ESRRG: variants seen among roughly 807,000 people sequenced by gnomAD.
The protein encoded by ESRRG is estrogen-related receptor gamma.
ESRRG carries 13 observed loss-of-function variants against 44.0 expected under a neutral mutation model. The observed-to-expected ratio is 0.30, with a 90% confidence interval of 0.19 to 0.47. ESRRG has a LOEUF of 0.47. Among genes scored for constraint, ESRRG ranks in the 20% least tolerant of loss-of-function variants. The pLI is 1.00. For missense variants in ESRRG, 395 were observed against 580.6 expected (o/e 0.68, Z 3.29); for synonymous variants, 215 against 214.6 (o/e 1.00, Z -0.02).
At position 216,947,187 on chromosome 1, in the gene ESRRG, T is replaced by C. The variant is rs943438612; in HGVS notation, c.-105-7514A>G. On this transcript the variant is annotated intron_variant, in intron 1 of 7. Transcript: ENST00000359162. ...AAATTCCAAGAGAAAAATATAAATA[T>C]ACATATCCCAGAAGTGGCATCTGTC... is the stretch of plus-strand genomic sequence containing the variant. Among the ~76,000 whole-genome samples, 4 of 152,154 alleles carry C rather than the reference T, an allele frequency of 2.6e-5. No individual in the cohort carries two copies. In the East Asian group the frequency reaches 7.7e-4, roughly 29 times the overall value.
intron 2 of ESRRG, among the ~76,000 whole-genome samples, chr1:216,896,657 C>G (rs757292695): frequency 3.3e-5 from 5 of 152,178 alleles, no homozygotes; most frequent in Non-Finnish European, 7.4e-5. Flanking sequence ...ATTCTAGGAA[C>G]CCAGTCTGTC....
intron 2 of ESRRG, among the ~76,000 whole-genome samples, chr1:216,652,213 G>A (rs1044652013): frequency 6.6e-6 from 1 of 152,046 alleles, no homozygotes; most frequent in Non-Finnish European, 1.5e-5. Context: ...CAAAACTCAG[G>A]GTCCGTCCAA....
intron 2 of ESRRG, among the ~76,000 whole-genome samples, chr1:216,763,483 G>T (rs975202907): frequency 2.0e-5 from 3 of 152,048 alleles, no homozygotes; most frequent in Non-Finnish European, 4.4e-5. Flanking sequence ...GAGAGGGAGT[G>T]TGAGGGGAAA....
chr1:216,981,933 C>T (rs1317278047), intron 1 of ESRRG, among the ~76,000 whole-genome samples: 2 of 152,168 alleles, frequency 1.3e-5, no homozygotes, highest in East Asian at 3.9e-4. Flanking sequence ...AAGCGATTAG[C>T]GGGGCTGTGT....
intron 1 of ESRRG, among the ~76,000 whole-genome samples, chr1:217,014,693 C>T (rs1363411323): frequency 3.3e-5 from 5 of 152,152 alleles, no homozygotes; most frequent in Non-Finnish European, 5.9e-5. Context: ...GCAACTTCTT[C>T]ATCTTAGGAT....
At chr1:216,952,951 A>G (rs1208666515) in intron 1 of ESRRG, among the ~76,000 whole-genome samples, 2 of 151,980 alleles carry the variant, frequency 1.3e-5, no homozygotes, top group African/African-American at 4.8e-5. Flanking sequence ...TTGCCTCACA[A>G]TCACTCACAT....
intron 2 of ESRRG, among the ~76,000 whole-genome samples, chr1:216,910,241 TACAC>T (rs113961991): frequency 4.7e-5 from 7 of 148,856 alleles, no homozygotes; most frequent in Admixed American, 1.3e-4. Flanking sequence ...CAGGCACACA[TACAC>T]ACACACACAC....
intron 3 of ESRRG, among the ~76,000 whole-genome samples, chr1:216,578,025 C>G (rs1234103236): frequency 6.6e-6 from 1 of 151,720 alleles, no homozygotes; most frequent in African/African-American, 2.4e-5. Context: ...TATTAGATAC[C>G]AAAGAGAGGC....
chr1:216,653,997 C>T (rs567636336), intron 2 of ESRRG, among the ~76,000 whole-genome samples: 1 of 150,206 alleles, frequency 6.7e-6, no homozygotes, highest in Non-Finnish European at 1.5e-5. Flanking sequence ...GTGGTGTGAA[C>T]CTTTAGTCCC....
rs1239339240 is a variant in ESRRG at position 216,909,798 on chromosome 1, T to G, written c.-14+29784A>C. Among the ~76,000 whole-genome samples the G allele has an allele frequency of 5.9e-5, 9 of 152,276 alleles. No individual in the cohort carries two copies. The East Asian group carries it at 9.7e-4, about 16-fold the overall frequency. Reference sequence around the variant, plus strand: ...AGAACCACTATTTGTTGAATAGAGATCTGAGGGACAGATTCAATTAAACCT... The same window carrying G: ...AGAACCACTATTTGTTGAATAGAGAGCTGAGGGACAGATTCAATTAAACCT... On this transcript the variant is annotated intron_variant, in intron 2 of 7. Transcript: ENST00000359162.
chr1:216,735,987 A>AAAAAAAAAAAATAT (rs1453476198), intron 2 of ESRRG, among the ~76,000 whole-genome samples: 1 of 137,092 alleles, frequency 7.3e-6, no homozygotes, highest in African/African-American at 2.7e-5. Flanking sequence ...CTCAAAAAAA[A>AAAAAAAAAAAATAT]ATATATATAT....
At chr1:216,941,337 G>T (rs1320400879) in intron 1 of ESRRG, among the ~76,000 whole-genome samples, 1 of 152,138 alleles carries the variant, frequency 6.6e-6, no homozygotes, top group African/African-American at 2.4e-5. Context: ...TTCAGGTGCT[G>T]ATTTCAACAG....
intron 2 of ESRRG, among the ~76,000 whole-genome samples, chr1:216,783,241 G>C (rs1349078660): frequency 6.6e-6 from 1 of 151,854 alleles, no homozygotes; most frequent in Admixed American, 6.6e-5. Context: ...TATTCCCTTA[G>C]AACAACACAT....
At chr1:216,725,142 C>G (rs2087233458), upstream of ESRRG, among the ~76,000 whole-genome samples, 1 of 152,078 alleles carries the variant, frequency 6.6e-6, no homozygotes, top group Non-Finnish European at 1.5e-5. Context: ...TTTGGTCCCC[C>G]CACAGAAGAA....
chr1:217,042,375 T>C (rs2151140607), intron 1 of ESRRG, among the ~76,000 whole-genome samples: 1 of 152,110 alleles, frequency 6.6e-6, no homozygotes, highest in Non-Finnish European at 1.5e-5. Context: ...TGGAGAGCAC[T>C]GCAGTGTGAC....
intron 3 of ESRRG, among the ~76,000 whole-genome samples, chr1:216,644,010 A>G (rs2066986618): frequency 6.6e-6 from 1 of 152,170 alleles, no homozygotes; most frequent in Admixed American, 6.5e-5. Flanking sequence ...GCATAGATAC[A>G]GGAAGGTCCT....
At chr1:217,125,066 G>A (rs1287458327) in intron 1 of ESRRG, among the ~76,000 whole-genome samples, 1 of 152,160 alleles carries the variant, frequency 6.6e-6, no homozygotes, top group Non-Finnish European at 1.5e-5. Flanking sequence ...GGCCTCTGAA[G>A]ACAGCTCAGG....
chr1:216,969,671 C>T (rs146905168), intron 1 of ESRRG, among the ~76,000 whole-genome samples: 2,359 of 152,132 alleles, frequency 0.016, 72 homozygotes, highest in East Asian at 0.086. Flanking sequence ...CCGCAACCTC[C>T]GCCTCCCTGG....
At chr1:216,707,644 C>T (rs2082718758) in intron 1 of ESRRG, among the ~76,000 whole-genome samples, 1 of 152,208 alleles carries the variant, frequency 6.6e-6, no homozygotes, top group Non-Finnish European at 1.5e-5. Flanking sequence ...AAATGTTTTA[C>T]ATGCATTCAC....
Sources: gnomAD v4.1 joint callset for allele counts (sites outside exome capture counted in the v4.1 genomes callset) on GRCh38, gnomAD v4.1.1 for gene constraint, MANE v1.5 for transcripts, NCBI Gene and HGNC (gene_info 2026-07-23, HGNC 2026-07-21) for gene names.